Variants in RBM25 observed in about 807,000 individuals in gnomAD.
RBM25 encodes the protein RNA binding motif protein 25, also known as RNA-binding protein 25.
In RBM25, 19 loss-of-function variants were observed where a neutral mutation model predicts 120.7. The observed-to-expected ratio is 0.16, with a 90% confidence interval of 0.11 to 0.23. The LOEUF is 0.23. Ranked by LOEUF, RBM25 falls within the 10% of genes least tolerant of loss-of-function variation. RBM25 has a pLI of 1.00. For missense variants in RBM25, 605 were observed against 1,041.5 expected (o/e 0.58, Z 5.77); for synonymous variants, 390 against 326.7 (o/e 1.19, Z -2.09).
chr14:73,101,809 G>A (rs1326133673), intron 9 of RBM25: 1 of 152,068 alleles, frequency 6.6e-6, no homozygotes, highest in African/African-American at 2.4e-5. Flanking sequence ...ATATAGTCTA[G>A]CCTCATTTTA....
At chr14:73,091,764 C>T (rs1215256318) in intron 6 of RBM25, among the ~76,000 whole-genome samples, 1 of 151,992 alleles carries the variant, frequency 6.6e-6, no homozygotes, top group African/African-American at 2.4e-5. Context: ...GTAATCCCAG[C>T]TACTTGGGAG....
intron 1 of RBM25, chr14:73,068,593 A>G (rs897949379): frequency 7.6e-6 from 4 of 529,054 alleles, no homozygotes; most frequent in Non-Finnish European, 1.4e-5. Flanking sequence ...AGATCTGACC[A>G]TGGCTCTGAG....
chr14:73,089,118 G>A (rs555217965), intron 6 of RBM25, among the ~76,000 whole-genome samples: 13 of 152,056 alleles, frequency 8.5e-5, no homozygotes, highest in Admixed American at 8.5e-4. Context: ...TCCAGCCTGG[G>A]CAACTAGAGT....
At chr14:73,099,324 T>G in intron 7 of RBM25, 56 bp from the exon 8 acceptor site, 1 of 1,479,108 alleles carries the variant, frequency 6.8e-7, no homozygotes, top group South Asian at 1.2e-5. Context: ...CTTTGCAGAT[T>G]AGTATGAGCT....
Position 73,120,011 on chromosome 14 carries a change from C to A in RBM25, c.*206C>A, listed in dbSNP as rs535248066. 37 of 628,784 alleles carry A rather than the reference C, an allele frequency of 5.9e-5. No individual in the cohort carries two copies. The highest frequency in any genetic ancestry group is 8.4e-5 in the Non-Finnish European group (35 of 415,720). 39.0% of individuals were successfully genotyped at this position (628,784 alleles called of 1,614,324 possible). A position where few individuals can be genotyped will look rare whatever the true frequency, so the allele number is the denominator to read the frequency against. The stretch of plus-strand genomic sequence containing the variant: ...ATCTGAATCCTTGGTTCTCTTTATA[C>A]TCACCAGGTACAAATTACTGGTATG... On this transcript the variant is annotated 3_prime_UTR_variant, in exon 19 of 19. Coordinates refer to ENST00000261973, the MANE Select transcript of RBM25 (RefSeq NM_021239.3).
intron 18 of RBM25, among the ~76,000 whole-genome samples, chr14:73,115,431 T>C (rs1457301440): frequency 1.3e-5 from 2 of 152,198 alleles, no homozygotes; most frequent in Non-Finnish European, 2.9e-5. Context: ...CTGTATTTGG[T>C]TTTCTGTTCC....
chr14:73,066,831 T>G (rs1895146604), intron 1 of RBM25, among the ~76,000 whole-genome samples: 1 of 152,152 alleles, frequency 6.6e-6, no homozygotes, highest in South Asian at 2.1e-4. Context: ...CTTTTCTGTT[T>G]TAAAGAAATG....
intron 1 of RBM25, among the ~76,000 whole-genome samples, chr14:73,063,312 G>C (rs1309615052): frequency 6.6e-6 from 1 of 150,986 alleles, no homozygotes; most frequent in African/African-American, 2.4e-5. Flanking sequence ...ACTATGCCCG[G>C]CTAAATTTTT....
intron 2 of RBM25, among the ~76,000 whole-genome samples, chr14:73,075,078 C>T (rs1895383847): frequency 6.6e-6 from 1 of 151,708 alleles, no homozygotes; most frequent in South Asian, 2.1e-4. Flanking sequence ...ACAATGCTAG[C>T]ACACCGCAGC....
chr14:73,112,152 A>G lies in RBM25; in HGVS notation c.2293A>G (p.Ile765Val), dbSNP rs538268899. 8.1e-6 allele frequency: 13 copies of G among 1,599,948 alleles called. No homozygotes were observed. Among genetic ancestry groups the G allele is most frequent in the Non-Finnish European group, 9.4e-6 (11 of 1,175,748 alleles). ...YPLDWSIVDS[I>V]LMERRIRPWI... ...TCAGTAACCGTGGTTTGTTTTGCAG[A>G]TACTGATGGAACGTCGAATTAGACC... is the stretch of plus-strand genomic sequence containing the variant. Residue 765 changes from isoleucine to valine, a missense_variant and splice_region_variant, in exon 17 of 19, where the codon ATA becomes GTA. Transcript: ENST00000261973.
In RBM25 at chr14:73,083,533, G is replaced by A; in HGVS notation, c.364G>A (p.Ala122Thr). ...LVLSWKRVQG[A>T]SGKLQAFGFC... ...TTTGAGCTGGAAGAGAGTACAAGGT[G>A]CTTCCGGAAAGCTTCAAGGTATGTC... is the stretch of plus-strand genomic sequence containing the variant. The change falls in exon 5 of 19, where the codon GCT (alanine) becomes ACT (threonine). Residue 122 changes from alanine to threonine, a missense_variant. Transcript: ENST00000261973. 1 of 1,580,942 alleles carries A rather than the reference G, an allele frequency of 6.3e-7. No homozygotes were observed. The highest frequency in any genetic ancestry group is 8.5e-7 in the Non-Finnish European group (1 of 1,171,150).
chr14:73,092,252 G>A (rs555347534), intron 6 of RBM25, among the ~76,000 whole-genome samples: 53 of 150,738 alleles, frequency 3.5e-4, no homozygotes, highest in Non-Finnish European at 6.9e-4. Context: ...AGAGATTGGA[G>A]GGAGGGAGCA....
intron 3 of RBM25, among the ~76,000 whole-genome samples, chr14:73,076,974 G>A (rs1328340440): frequency 2.0e-5 from 3 of 152,180 alleles, no homozygotes; most frequent in Non-Finnish European, 2.9e-5. Context: ...TCAGCTACTC[G>A]GGAGGCCGAG....
intron 17 of RBM25, 116 bp from the exon 18 acceptor site, chr14:73,114,170 G>A (rs1045146923): frequency 1.4e-6 from 1 of 719,706 alleles, no homozygotes; most frequent in Admixed American, 2.9e-5. Flanking sequence ...TTATAGAATG[G>A]TTCCTTAGCC....
chr14:73,112,177 C>T lies in RBM25; in HGVS notation c.2318C>T (p.Pro773Leu). 6.2e-7 allele frequency: 1 copy of T among 1,605,634 alleles called. No individual in the cohort carries two copies. The highest frequency in any genetic ancestry group is 1.7e-4 in the Middle Eastern group (1 of 6,042). Residue 773 changes from proline (P) to leucine (L), a missense_variant, in exon 17 of 19, where the codon CCA becomes CTA. Around this residue, in one of 4 missense-constraint regions of RBM25, gnomAD observed 465 missense variants for 741.6 expected, o/e 0.63. Coordinates refer to ENST00000261973, the MANE Select transcript of RBM25 (RefSeq NM_021239.3). ...DSILMERRIR[P>L]WINKKIIEYI... is the part of the protein sequence containing the mutation. Reference sequence around the variant, plus strand: ...ATACTGATGGAACGTCGAATTAGACCATGGATTAATAAGAAAATCATAGAA... The same window carrying T: ...ATACTGATGGAACGTCGAATTAGACTATGGATTAATAAGAAAATCATAGAA...
chr14:73,061,480 C>T (rs1205902860), intron 1 of RBM25, among the ~76,000 whole-genome samples: 2 of 151,352 alleles, frequency 1.3e-5, no homozygotes, highest in African/African-American at 4.8e-5. Context: ...CAAAAGGATT[C>T]CTTCTGTCTG....
At chr14:73,072,080 C>G (rs1199466003) in intron 2 of RBM25, among the ~76,000 whole-genome samples, 1 of 151,904 alleles carries the variant, frequency 6.6e-6, no homozygotes, top group African/African-American at 2.4e-5. Context: ...TCAAGCAGTT[C>G]TCTGCCTCAG....
intron 6 of RBM25, among the ~76,000 whole-genome samples, chr14:73,090,125 A>C (rs972093928): frequency 6.6e-6 from 1 of 151,552 alleles, no homozygotes; most frequent in Non-Finnish European, 1.5e-5. Context: ...ATCTTGGCTC[A>C]CTGCAACCTC....
intron 10 of RBM25, 28 bp downstream of exon 10, chr14:73,103,506 C>T: frequency 3.2e-6 from 5 of 1,539,582 alleles, no homozygotes; most frequent in Non-Finnish European, 3.5e-6. Context: ...TTACTGTTTC[C>T]TGATAGCTTT....
Sources: gnomAD v4.1 joint callset for allele counts (sites outside exome capture counted in the v4.1 genomes callset) on GRCh38, gnomAD v4.1.1 for gene constraint, gnomAD v4.1.1 regional missense constraint, MANE v1.5 for transcripts, NCBI Gene and HGNC (gene_info 2026-07-23, HGNC 2026-07-21) for gene names.